The following EPS15 variants were observed in gnomAD, a reference collection of about 807,000 sequenced individuals.
The protein encoded by EPS15 is epidermal growth factor receptor pathway substrate 15.
Under a neutral mutation model 113.8 loss-of-function variants are expected in EPS15, and 72 were observed. The ratio of observed to expected loss-of-function variants is 0.63; its 90% CI spans 0.52 to 0.77. EPS15 has a LOEUF of 0.77. Among genes scored for constraint, EPS15 ranks in the 30% least tolerant of loss-of-function variants. EPS15 has a pLI of 0.00. For synonymous variants in EPS15, 344 were observed against 363.4 expected, an observed-to-expected ratio of 0.95 and a Z score of 0.61; for missense variants, 1,048 against 1,045.8, an observed-to-expected ratio of 1.00 and a Z score of -0.03.
At chr1:51,513,530 C>G (rs1195924379) in intron 1 of EPS15, among the ~76,000 whole-genome samples, 3 of 152,150 alleles carry the variant, frequency 2.0e-5, no homozygotes, top group Admixed American at 2.0e-4. Flanking sequence ...GAAATTCACA[C>G]AAGAAACTGG....
intron 1 of EPS15, among the ~76,000 whole-genome samples, chr1:51,508,290 A>AGAG (rs1557536788): frequency 1.5e-5 from 2 of 134,084 alleles, no homozygotes; most frequent in East Asian, 2.0e-4. Context: ...GAAAGAGAGA[A>AGAG]AGAGAGAGAG....
At chr1:51,506,386 C>G (rs1644499559) in intron 1 of EPS15, among the ~76,000 whole-genome samples, 1 of 151,984 alleles carries the variant, frequency 6.6e-6, no homozygotes, top group Non-Finnish European at 1.5e-5. Context: ...GCCTCATAAT[C>G]AAAGAAAAAC....
intron 22 of EPS15, among the ~76,000 whole-genome samples, chr1:51,364,547 A>G (rs1646464379): frequency 6.6e-6 from 1 of 151,694 alleles, no homozygotes; most frequent in African/African-American, 2.4e-5. Context: ...CAAGCTGGAG[A>G]GCAGTGGCAC....
At chr1:51,370,069 C>T (rs1217081529) in intron 21 of EPS15, among the ~76,000 whole-genome samples, 2 of 152,160 alleles carry the variant, frequency 1.3e-5, no homozygotes, top group African/African-American at 4.8e-5. Context: ...TGACATATGC[C>T]ACATAACAAT....
At chr1:51,386,317 T>C (rs948235881) in intron 21 of EPS15, among the ~76,000 whole-genome samples, 1 of 152,084 alleles carries the variant, frequency 6.6e-6, no homozygotes, top group Non-Finnish European at 1.5e-5. Context: ...TAAGTGACAA[T>C]GAAAGAAGAA....
chr1:51,468,999 G>A (rs965988626), intron 4 of EPS15, among the ~76,000 whole-genome samples: 2 of 151,958 alleles, frequency 1.3e-5, no homozygotes, highest in Admixed American at 6.6e-5. Flanking sequence ...GTGTGGTGGC[G>A]TGCACCTGTA....
intron 3 of EPS15, among the ~76,000 whole-genome samples, chr1:51,472,415 T>C (rs1339585511): frequency 6.6e-6 from 1 of 152,228 alleles, no homozygotes; most frequent in East Asian, 1.9e-4. Flanking sequence ...TCTGAATATA[T>C]ATCAATATCA....
chr1:51,458,623 G>T, intron 8 of EPS15: 1 of 421,448 alleles, frequency 2.4e-6, no homozygotes, highest in Non-Finnish European at 4.8e-6. Flanking sequence ...TGTAATCCCA[G>T]CTCCTCAGGA....
intron 11 of EPS15, among the ~76,000 whole-genome samples, chr1:51,444,169 A>G (rs911566756): frequency 1.2e-4 from 18 of 152,352 alleles, no homozygotes; most frequent in African/African-American, 4.1e-4. Context: ...TTATTTTTAA[A>G]GGCAAATAGC....
chr1:51,371,074 C>T (rs1646637751), intron 21 of EPS15, among the ~76,000 whole-genome samples: 1 of 151,850 alleles, frequency 6.6e-6, no homozygotes, highest in Admixed American at 6.6e-5. Context: ...GCCACCACAC[C>T]CAGCTAATTT....
intron 21 of EPS15, among the ~76,000 whole-genome samples, chr1:51,366,689 AC>A (rs1646515467): frequency 1.3e-5 from 2 of 152,246 alleles, no homozygotes; most frequent in African/African-American, 4.8e-5. Flanking sequence ...ATCAAGAAGT[AC>A]AAAAAGCTAA....
chr1:51,454,570 T>C (rs1484892818), intron 8 of EPS15, among the ~76,000 whole-genome samples: 6 of 152,202 alleles, frequency 3.9e-5, no homozygotes, highest in African/African-American at 9.6e-5. Flanking sequence ...GTCACGAGAA[T>C]AGCATCAGAC....
In EPS15 at chr1:51,475,482, G is replaced by C. The variant is rs935645587; in HGVS notation, c.76-2534C>G. 9.2e-5 allele frequency among the ~76,000 whole-genome samples: 14 copies of C among 152,220 alleles called. No individual in the cohort carries two copies. In the South Asian group the frequency reaches 2.5e-3, roughly 27 times the overall value. On this transcript the variant is annotated intron_variant, in intron 2 of 24. Transcript: ENST00000371733. ...GTTGGCTGCATAAATATCTTCTTTT[G>C]AGAAGTGTCTGTTCATATCCTTCGC...
At position 51,405,963 on chromosome 1, in the gene EPS15, T is replaced by C. The variant is rs1166133603; in HGVS notation, c.1619A>G (p.Asn540Ser). The change falls in exon 16 of 25, where the codon AAT (asparagine) becomes AGT (serine). Residue 540 changes from asparagine (N) to serine (S), a missense_variant. Coordinates refer to ENST00000371733, the MANE Select transcript of EPS15 (RefSeq NM_001981.3). ...GTTGCTCTGGCCTTCAACATGTTCA[T>C]TAAGGTTGGCTGTTTCACTGCTGCT... ...STSSSETANLNEHVEGQSNLE... is the reference protein window; with the variant it reads ...STSSSETANLSEHVEGQSNLE... 1.9e-6 allele frequency: 3 copies of C among 1,614,170 alleles called. No homozygotes were observed. The highest frequency in any genetic ancestry group is 1.6e-4 in the Middle Eastern group (1 of 6,062).
intron 2 of EPS15, among the ~76,000 whole-genome samples, chr1:51,477,891 G>A (rs906592999): frequency 6.6e-6 from 1 of 152,170 alleles, no homozygotes; most frequent in Non-Finnish European, 1.5e-5. Flanking sequence ...GTCAATTTTG[G>A]AATAGGTGTG....
chr1:51,427,277 T>C (rs573789185), intron 12 of EPS15, among the ~76,000 whole-genome samples: 32 of 152,238 alleles, frequency 2.1e-4, no homozygotes, highest in Non-Finnish European at 4.0e-4. Context: ...ATAGGGAAAA[T>C]ACACAATAAA....
At chr1:51,503,363 C>T (rs1382202976) in intron 1 of EPS15, among the ~76,000 whole-genome samples, 6 of 152,102 alleles carry the variant, frequency 3.9e-5, no homozygotes, top group African/African-American at 1.4e-4. Context: ...AGGCTGGGCG[C>T]GGTGGGTCAT....
chr1:51,408,797 ATTT>A (rs34612487), intron 14 of EPS15, among the ~76,000 whole-genome samples: 2 of 109,570 alleles, frequency 1.8e-5, no homozygotes, highest in Non-Finnish European at 1.9e-5. Flanking sequence ...CTGGCTTTCA[ATTT>A]TTTTTTTTTT....
At chr1:51,402,388 A>C (rs779965322) in intron 18 of EPS15, 47 bp downstream of exon 18, 1 of 1,013,742 alleles carries the variant, frequency 9.9e-7, no homozygotes, top group South Asian at 1.5e-5. Context: ...TATATTAAAA[A>C]GTCTTTTTTT....
Sources: allele counts gnomAD v4.1 joint callset (sites outside exome capture counted in the v4.1 genomes callset), GRCh38; gene constraint gnomAD v4.1.1; transcripts MANE v1.5; gene names NCBI Gene and HGNC (gene_info 2026-07-23, HGNC 2026-07-21).